The following ITPRID1 variants were observed in gnomAD, a reference collection of about 807,000 sequenced individuals.
The protein encoded by ITPRID1 is ITPR interacting domain containing 1, also known as protein ITPRID1.
In ITPRID1, 96 loss-of-function variants were observed where a neutral mutation model predicts 95.4. The observed-to-expected ratio is 1.01, with a 90% CI of 0.85 to 1.19. ITPRID1 has a LOEUF of 1.19. Among genes scored for constraint, ITPRID1 ranks in the 50% most tolerant of loss-of-function variants. ITPRID1 has a pLI of 0.00. For synonymous variants in ITPRID1, 510 were observed against 453.6 expected (o/e 1.12, Z -1.58); for missense variants, 1,339 against 1,252.9 (o/e 1.07, Z -1.04).
At chr7:31,574,000 G>C (rs1051614735) in intron 7 of ITPRID1, among the ~76,000 whole-genome samples, 1 of 151,932 alleles carries the variant, frequency 6.6e-6, no homozygotes, top group Admixed American at 6.6e-5. Context: ...AAATAATACA[G>C]AACACATTTT....
intron 12 of ITPRID1, among the ~76,000 whole-genome samples, chr7:31,646,087 A>T (rs1396884996): frequency 6.6e-6 from 1 of 152,202 alleles, no homozygotes; most frequent in African/African-American, 2.4e-5. Flanking sequence ...TCCCGAAAAA[A>T]GATTATTTTT....
At chr7:31,553,883 T>C (rs1784365489) in intron 3 of ITPRID1, among the ~76,000 whole-genome samples, 1 of 152,206 alleles carries the variant, frequency 6.6e-6, no homozygotes, top group Admixed American at 6.5e-5. Context: ...CATCCTCTCC[T>C]TTTTACCTGT....
At chr7:31,647,196 T>C (rs918268478) in intron 12 of ITPRID1, among the ~76,000 whole-genome samples, 3 of 152,216 alleles carry the variant, frequency 2.0e-5, no homozygotes, top group African/African-American at 7.2e-5. Context: ...TGCAGCAACA[T>C]CTACTAAGAG....
intron 5 of ITPRID1, among the ~76,000 whole-genome samples, chr7:31,561,755 G>A (rs553905236): frequency 8.5e-5 from 13 of 152,252 alleles, no homozygotes; most frequent in African/African-American, 2.6e-4. Flanking sequence ...AGCCTCATGG[G>A]CATCCTTCAA....
At chr7:31,623,291 G>C (rs1397156587) in intron 10 of ITPRID1, among the ~76,000 whole-genome samples, 1 of 151,020 alleles carries the variant, frequency 6.6e-6, no homozygotes, top group African/African-American at 2.4e-5. Context: ...GCCGGGCAGA[G>C]ACACAACCAA....
In ITPRID1 at chr7:31,656,050, A is replaced by C. The variant is rs1425241102; in HGVS notation, c.*3221A>C. 1 of 976,246 alleles carries C rather than the reference A, an allele frequency of 1.0e-6. No individual in the cohort carries two copies. The highest frequency in any genetic ancestry group is 1.2e-6 in the Non-Finnish European group (1 of 821,640). 60.5% of individuals were successfully genotyped at this position (976,246 alleles called of 1,614,324 possible). On this transcript the variant is annotated 3_prime_UTR_variant, in exon 15 of 15. Transcript: ENST00000615280. The stretch of plus-strand genomic sequence containing the variant: ...GTATCTCACCAGTAAGTCCTAGGGC[A>C]GACCCCATCTCCTACACAGGCTTTC...
chr7:31,626,564 C>A (rs1396085963), intron 10 of ITPRID1, among the ~76,000 whole-genome samples: 1 of 152,102 alleles, frequency 6.6e-6, no homozygotes, highest in African/African-American at 2.4e-5. Context: ...TTATATTTTT[C>A]CTGCAGTAGT....
At chr7:31,577,805 A>C (rs1468749293) in intron 8 of ITPRID1, 58 bp from the exon 9 acceptor site, 1 of 1,408,400 alleles carries the variant, frequency 7.1e-7, no homozygotes, top group Non-Finnish European at 9.5e-7. Flanking sequence ...GACTACGTTA[A>C]TATGGTTTCA....
At chr7:31,534,962 C>T (rs1206605330) in intron 1 of ITPRID1, among the ~76,000 whole-genome samples, 1 of 151,210 alleles carries the variant, frequency 6.6e-6, no homozygotes, top group Non-Finnish European at 1.5e-5. Flanking sequence ...TTAGTGTTTT[C>T]CTAGAATTAC....
chr7:31,583,800 G>C (rs1216346458), intron 10 of ITPRID1, among the ~76,000 whole-genome samples: 1 of 152,158 alleles, frequency 6.6e-6, no homozygotes, highest in Non-Finnish European at 1.5e-5. Flanking sequence ...GACTGAGCCT[G>C]ACTGTGGGGA....
intron 9 of ITPRID1, 64 bp from the exon 10 acceptor site, chr7:31,583,070 G>A (rs908470556): frequency 1.7e-6 from 2 of 1,185,244 alleles, no homozygotes; most frequent in Non-Finnish European, 2.5e-6. Flanking sequence ...ATTATATGTT[G>A]ATTAAAATAA....
chr7:31,616,042 C>T (rs1236218929), intron 10 of ITPRID1, among the ~76,000 whole-genome samples: 2 of 151,874 alleles, frequency 1.3e-5, no homozygotes, highest in African/African-American at 2.4e-5. Context: ...CGCACCCAGC[C>T]GAGTTTACTG....
intron 10 of ITPRID1, among the ~76,000 whole-genome samples, chr7:31,637,699 T>G (rs564163713): frequency 1.3e-5 from 2 of 152,340 alleles, no homozygotes; most frequent in African/African-American, 4.8e-5. Flanking sequence ...TTGTTCACTC[T>G]GATGGTAGTT....
In ITPRID1 at chr7:31,643,272, C is replaced by T. The variant is rs186727343; in HGVS notation, c.1902C>T (p.Leu634=). The part of the protein sequence containing the change: ...GFCPHTNHSL[L]VPESSSQCIP... ...GTCCTCACACCAACCACAGCTTACT[C>T]GTACCAGAAAGCTCATCACAGTGTA... Residue 634 remains leucine, a synonymous_variant, in exon 12 of 15, where the codon CTC becomes CTT. Coordinates refer to ENST00000615280, the MANE Select transcript of ITPRID1 (RefSeq NM_001257967.3). 10 of 1,613,750 alleles carry T rather than the reference C, an allele frequency of 6.2e-6. No individual in the cohort carries two copies. Among genetic ancestry groups the T allele is most frequent in the Middle Eastern group, 1.6e-4 (1 of 6,062 alleles).
At chr7:31,621,898 G>C (rs1182008595) in intron 10 of ITPRID1, among the ~76,000 whole-genome samples, 1 of 151,650 alleles carries the variant, frequency 6.6e-6, no homozygotes, top group Admixed American at 6.6e-5. Context: ...CAAAATAAAA[G>C]GATGGAGGAA....
chr7:31,648,621 T>A (rs549647566), intron 12 of ITPRID1, among the ~76,000 whole-genome samples: 13 of 152,236 alleles, frequency 8.5e-5, no homozygotes, highest in Non-Finnish European at 1.8e-4. Context: ...AATAACTACA[T>A]GAGCATAAAA....
At chr7:31,627,653 C>G (rs1788588828) in intron 10 of ITPRID1, among the ~76,000 whole-genome samples, 1 of 61,430 alleles carries the variant, frequency 1.6e-5, no homozygotes, top group Non-Finnish European at 2.7e-5. Context: ...GAGCAAGACA[C>G]TGTCTCAAAA....
At chr7:31,605,520 G>A (rs938451390) in intron 10 of ITPRID1, among the ~76,000 whole-genome samples, 2 of 152,152 alleles carry the variant, frequency 1.3e-5, no homozygotes, top group Admixed American at 6.5e-5. Context: ...TCATAGCTTC[G>A]CTCCTCCTTT....
chr7:31,574,651 T>C lies in ITPRID1; in HGVS notation c.507T>C (p.Leu169=). The change falls in exon 8 of 15, where the codon CTT becomes CTC. Residue 169 remains leucine (L), a synonymous_variant. Transcript: ENST00000615280. ...GCATGCAAATCCCAGCCAGATTCCT[T>C]GGTTGTGGCTCAGCAGCCAGAGGAA... is the stretch of plus-strand genomic sequence containing the variant. ...DICMQIPARF[L]GCGSAARGIN... is the part of the protein sequence containing the mutation. 6.2e-7 allele frequency: 1 copy of C among 1,613,954 alleles called. No individual in the cohort carries two copies. The highest frequency in any genetic ancestry group is 8.5e-7 in the Non-Finnish European group (1 of 1,179,842).
Sources: gnomAD v4.1 joint callset for allele counts (sites outside exome capture counted in the v4.1 genomes callset) on GRCh38, gnomAD v4.1.1 for gene constraint, MANE v1.5 for transcripts, NCBI Gene and HGNC (gene_info 2026-07-23, HGNC 2026-07-21) for gene names.